Variants in SEL1L3 observed in about 807,000 individuals in gnomAD.
SEL1L3 encodes the protein protein sel-1 homolog 3.
Under a neutral mutation model 142.8 loss-of-function variants are expected in SEL1L3, and 76 were observed. The observed-to-expected ratio is 0.53, with a 90% CI of 0.44 to 0.64. SEL1L3 has a LOEUF of 0.64. Ranked by LOEUF, SEL1L3 falls within the 30% of genes least tolerant of loss-of-function variation. The probability of loss-of-function intolerance (pLI) is 0.00; values close to 1 mark genes in which losing one functional copy is unlikely to be tolerated. For synonymous variants in SEL1L3, 504 were observed against 519.6 expected (o/e 0.97, Z 0.41); for missense variants, 1,262 against 1,381.7 (o/e 0.91, Z 1.37).
In SEL1L3 at chr4:25,847,405, TG is replaced by T. The variant is rs1243961304; in HGVS notation, c.621del (p.Ile208SerfsTer137). On this transcript the variant is annotated frameshift_variant, in exon 2 of 24. Coordinates refer to ENST00000399878, the MANE Select transcript of SEL1L3 (RefSeq NM_015187.5). LOFTEE classifies it high-confidence loss of function. ...TTGAAAGGGCGTTCAAAAGGCGGGA[TG>T]GTCTGCAGGAGGGTATAATTCTTTG... ...AVAKNYTLLQ[T>X]IPPFERPFKD... 6.2e-7 allele frequency: 1 copy of T among 1,613,888 alleles called. No individual in the cohort carries two copies. The highest frequency in any genetic ancestry group is 8.5e-7 in the Non-Finnish European group (1 of 1,179,900).
chr4:25,802,448 A>T lies in SEL1L3; in HGVS notation c.1791T>A (p.Ser597Arg). ...PRDQLQGMLY[S>R]LVGGQGSERL... is the part of the protein sequence containing the mutation. ...TCTCACTCCCCTGGCCTCCAACCAA[A>T]CTATACAACATGCCCTGTTAGGAAG... The change falls in exon 11 of 24, where the codon AGT becomes AGA. Residue 597 changes from serine to arginine, a missense_variant. Around this residue, in one of 3 missense-constraint regions of SEL1L3, gnomAD observed 435 missense variants for 559.2 expected, o/e 0.78. Transcript: ENST00000399878. 2 of 1,613,002 alleles carry T rather than the reference A, an allele frequency of 1.2e-6. No homozygotes were observed.
At chr4:25,725,396 G>A in the SEL1L3 span, among the ~76,000 whole-genome samples, 55,866 of 150,372 alleles carry the variant, frequency 0.37, 11,639 homozygotes, top group African/African-American at 0.57. Flanking sequence ...GCTCACTGCA[G>A]TCTCGGCCTC....
At chr4:25,716,214 T>C in the SEL1L3 span, among the ~76,000 whole-genome samples, 1 of 151,814 alleles carries the variant, frequency 6.6e-6, no homozygotes, top group Non-Finnish European at 1.5e-5. Flanking sequence ...GAAAATATGA[T>C]CAAAACACTC....
chr4:25,725,107 T>C, the SEL1L3 span, among the ~76,000 whole-genome samples: 1 of 152,078 alleles, frequency 6.6e-6, no homozygotes, highest in Non-Finnish European at 1.5e-5. Flanking sequence ...GGGGACTTGC[T>C]AGGATCCCTG....
chr4:25,832,981 G>A lies in SEL1L3; in HGVS notation c.1098+14C>T, dbSNP rs191337194. ...ATGCTCGTATGTCGTGTGATGAAGC[G>A]TGCATACAGATACCTGGCCTCCGTT... is the stretch of plus-strand genomic sequence containing the variant. On this transcript the variant is annotated intron_variant, in intron 5 of 23. Transcript: ENST00000399878. 153 of 1,396,178 alleles carry A rather than the reference G, an allele frequency of 1.1e-4. No homozygotes were observed. The highest frequency in any genetic ancestry group is 1.4e-4 in the Non-Finnish European group (135 of 981,582). 86.5% of individuals were successfully genotyped at this position (1,396,178 alleles called of 1,614,324 possible). A position where few individuals can be genotyped will look rare whatever the true frequency, so the allele number is the denominator to read the frequency against.
chr4:25,831,475 G>T (rs1318566910), intron 5 of SEL1L3, among the ~76,000 whole-genome samples: 1 of 144,456 alleles, frequency 6.9e-6, no homozygotes, highest in Non-Finnish European at 1.5e-5. Context: ...AAATCATCTG[G>T]CAATTAATTA....
the SEL1L3 span, among the ~76,000 whole-genome samples, chr4:25,717,236 G>T: frequency 2.6e-5 from 4 of 152,160 alleles, no homozygotes; most frequent in Admixed American, 1.3e-4. Flanking sequence ...TCAAGTCATG[G>T]TTACCTCTGG....
At chr4:25,737,157 G>C in the SEL1L3 span, among the ~76,000 whole-genome samples, 1 of 151,920 alleles carries the variant, frequency 6.6e-6, no homozygotes, top group African/African-American at 2.4e-5. Context: ...GCTAATATTT[G>C]TATTTTTAGT....
intron 20 of SEL1L3, among the ~76,000 whole-genome samples, chr4:25,764,100 A>G (rs145582606): frequency 1.3e-5 from 2 of 152,322 alleles, no homozygotes; most frequent in African/African-American, 2.4e-5. Context: ...AATAGGCAAA[A>G]TTCTTGCCCA....
intron 10 of SEL1L3, 54 bp from the exon 11 acceptor site, chr4:25,802,516 A>T: frequency 6.8e-7 from 1 of 1,463,584 alleles, no homozygotes; most frequent in South Asian, 1.2e-5. Context: ...GGGTCATAAA[A>T]TCCTAACACT....
chr4:25,780,293 A>G (rs1349952388), intron 15 of SEL1L3, among the ~76,000 whole-genome samples: 3 of 151,962 alleles, frequency 2.0e-5, no homozygotes, highest in African/African-American at 4.8e-5. Flanking sequence ...CTTGGATCCA[A>G]TGCATGAACC....
chr4:25,763,962 G>A (rs1718552769), intron 20 of SEL1L3, among the ~76,000 whole-genome samples: 1 of 152,134 alleles, frequency 6.6e-6, no homozygotes, highest in Non-Finnish European at 1.5e-5. Flanking sequence ...TGCAGCAGAG[G>A]GTAACAACTA....
intron 1 of SEL1L3, among the ~76,000 whole-genome samples, chr4:25,859,801 A>G (rs989561172): frequency 1.4e-4 from 22 of 152,056 alleles, no homozygotes; most frequent in Admixed American, 9.8e-4. Flanking sequence ...GATGGCAAAT[A>G]TTTTCTGGCT....
rs1399657530 is a variant in SEL1L3 at position 25,748,559 on chromosome 4, C to T, written c.3265G>A (p.Asp1089Asn). ...VQYFQSVSAS[D>N]PPPRPSQASP... The stretch of plus-strand genomic sequence containing the variant: ...GCCTGGGATGGTCTTGGAGGGGGAT[C>T]GCTTGCTGCAGAGACACATGCACAA... Residue 1089 changes from aspartate (D) to asparagine (N), a missense_variant, in exon 24 of 24, where the codon GAT becomes AAT. Coordinates refer to ENST00000399878, the MANE Select transcript of SEL1L3 (RefSeq NM_015187.5). The T allele has an allele frequency of 8.7e-6, 14 of 1,609,452 alleles. No individual in the cohort carries two copies. Among genetic ancestry groups the T allele is most frequent in the Non-Finnish European group, 1.2e-5 (14 of 1,178,194 alleles).
intron 23 of SEL1L3, among the ~76,000 whole-genome samples, chr4:25,752,085 G>A (rs1311549988): frequency 1.4e-5 from 2 of 139,500 alleles, no homozygotes; most frequent in Non-Finnish European, 3.0e-5. Flanking sequence ...CTCCAGCTTG[G>A]GCGACAGAGT....
At chr4:25,856,230 T>C (rs75613783) in intron 1 of SEL1L3, among the ~76,000 whole-genome samples, 3,575 of 152,292 alleles carry the variant, frequency 0.023, 147 homozygotes, top group African/African-American at 0.082. Flanking sequence ...TCCATGTTAC[T>C]GTGATAATGA....
At chr4:25,722,624 C>CTTTTTTTTTT in the SEL1L3 span, among the ~76,000 whole-genome samples, 186 of 103,648 alleles carry the variant, frequency 1.8e-3, 7 homozygotes, top group East Asian at 0.016. Context: ...CCAAAGGAGG[C>CTTTTTTTTTT]TTTTTTTTTT....
chr4:25,842,245 TA>T (rs113690467), intron 2 of SEL1L3, among the ~76,000 whole-genome samples: 241 of 139,818 alleles, frequency 1.7e-3, no homozygotes, highest in South Asian at 0.012. Context: ...TTGTGGAAAT[TA>T]AAAAAAAAAA....
Position 25,788,481 on chromosome 4 carries a change from T to TAG in SEL1L3, c.2077-119_2077-118dup, listed in dbSNP as rs1056619284. 1 of 1,052,678 alleles carries TAG rather than the reference T, an allele frequency of 9.5e-7. No individual in the cohort carries two copies. The highest frequency in any genetic ancestry group is 1.6e-5 in the African/African-American group (1 of 62,838). 65.2% of individuals were successfully genotyped at this position (1,052,678 alleles called of 1,614,324 possible). A position where few individuals can be genotyped will look rare whatever the true frequency, so the allele number is the denominator to read the frequency against. On this transcript the variant is annotated intron_variant, in intron 12 of 23. Coordinates refer to ENST00000399878, the MANE Select transcript of SEL1L3 (RefSeq NM_015187.5). This position sits in a 1 kb window ranked among gnomAD's most constrained non-coding sequence, Gnocchi z 5.3. ...ATGTTTTAGATTGAGAACCAAGGAT[T>TAG]AGATACACTTTATCTTCCAACTGGA... is the stretch of plus-strand genomic sequence containing the variant.
Sources: allele counts gnomAD v4.1 joint callset (sites outside exome capture counted in the v4.1 genomes callset), GRCh38; gene constraint gnomAD v4.1.1; regional missense constraint gnomAD v4.1.1; non-coding constraint Gnocchi (gnomAD v3.1); transcripts MANE v1.5; gene names NCBI Gene and HGNC (gene_info 2026-07-23, HGNC 2026-07-21).